The following TANK variants were observed in gnomAD, a reference collection of about 807,000 sequenced individuals.
TANK encodes the protein TRAF family member-associated NF-kappa-B activator.
TANK carries 15 observed loss-of-function variants against 43.6 expected under a neutral mutation model. The observed-to-expected ratio is 0.34, with a 90% CI of 0.23 to 0.53. The LOEUF is 0.53. TANK is among the 20% of genes least tolerant of loss of function. The probability of loss-of-function intolerance (pLI) is 0.94; values close to 1 mark genes in which losing one functional copy is unlikely to be tolerated. For missense variants in TANK, 417 were observed against 498.6 expected (o/e 0.84, Z 1.56); for synonymous variants, 162 against 178.2 (o/e 0.91, Z 0.73).
intron 1 of TANK, among the ~76,000 whole-genome samples, chr2:161,165,349 T>C (rs960172463): frequency 2.0e-5 from 3 of 152,178 alleles, no homozygotes; most frequent in Non-Finnish European, 4.4e-5. Flanking sequence ...ATAAAGGATT[T>C]TTTTTAATTG....
Position 161,208,875 on chromosome 2 carries a change from C to T in TANK, c.327+4082C>T, listed in dbSNP as rs149199457. 1.7e-3 allele frequency among the ~76,000 whole-genome samples: 265 copies of T among 152,248 alleles called. 1 individual carries two copies. The highest frequency in any genetic ancestry group is 3.4e-3 in the Middle Eastern group (1 of 294). Reference sequence around the variant, plus strand: ...AATTTTGTTCATTAGAAGCAAGTCACTAAGTAGTGGGGCAAGAAATTAAGC... The same window carrying T: ...AATTTTGTTCATTAGAAGCAAGTCATTAAGTAGTGGGGCAAGAAATTAAGC... On this transcript the variant is annotated intron_variant, in intron 4 of 7. Coordinates refer to ENST00000392749, the MANE Select transcript of TANK (RefSeq NM_001199135.3).
At chr2:161,194,525 A>G (rs1686057958) in intron 2 of TANK, among the ~76,000 whole-genome samples, 1 of 152,146 alleles carries the variant, frequency 6.6e-6, no homozygotes, top group Admixed American at 6.6e-5. Context: ...GGCTGAAGAG[A>G]AGGCCTAAAA....
intron 6 of TANK, chr2:161,227,036 G>T (rs966666773): frequency 3.8e-5 from 4 of 105,146 alleles, no homozygotes; most frequent in African/African-American, 1.2e-4. Context: ...AAATAGAAAA[G>T]CTATTTGCTC....
chr2:161,207,789 G>GA (rs933599173), intron 4 of TANK: 3 of 985,170 alleles, frequency 3.0e-6, no homozygotes, highest in African/African-American at 3.5e-5. Flanking sequence ...CTTCCACAAT[G>GA]AAAAAAATCC....
intron 1 of TANK, among the ~76,000 whole-genome samples, chr2:161,151,029 T>A (rs1044665469): frequency 6.6e-6 from 1 of 152,268 alleles, no homozygotes; most frequent in Non-Finnish European, 1.5e-5. Context: ...CTGTGATTTA[T>A]CCTTGTGACT....
intron 1 of TANK, among the ~76,000 whole-genome samples, chr2:161,171,219 T>C (rs1364801878): frequency 2.0e-5 from 3 of 152,146 alleles, no homozygotes; most frequent in Non-Finnish European, 4.4e-5. Context: ...TGCCCAGGGA[T>C]TTTTGTAGCC....
intron 4 of TANK, among the ~76,000 whole-genome samples, chr2:161,215,988 G>A (rs1426095269): frequency 6.6e-6 from 1 of 151,904 alleles, no homozygotes; most frequent in Admixed American, 6.6e-5. Flanking sequence ...ATTAACCTGT[G>A]GTTTTTGTCT....
intron 1 of TANK, among the ~76,000 whole-genome samples, chr2:161,167,995 C>T (rs13313742): frequency 0.11 from 17,297 of 152,104 alleles, 1,690 homozygotes; most frequent in African/African-American, 0.26. Context: ...GGAATTCTCA[C>T]TGGTTTACAG....
At chr2:161,204,988 C>G in intron 4 of TANK, 195 bp downstream of exon 4, 2 of 1,345,452 alleles carry the variant, frequency 1.5e-6, no homozygotes, top group Non-Finnish European at 1.9e-6. Context: ...TTCCTACTGA[C>G]CGTTTTTCTA....
Position 161,222,839 on chromosome 2 carries a change from T to G in TANK, c.328-1076T>G, listed in dbSNP as rs1434602432. 7 of 152,006 alleles carry G rather than the reference T, an allele frequency of 4.6e-5. 1 individual carries two copies. Among genetic ancestry groups the G allele is most frequent in the Admixed American group, 4.6e-4 (7 of 15,252 alleles). 9.4% of individuals were successfully genotyped at this position (152,006 alleles called of 1,614,324 possible). ...TTCTGAGATACTATAAAAATAATAC[T>G]CTATATATTTAAAGTATTTATTTAG... On this transcript the variant is annotated intron_variant, in intron 4 of 7. Coordinates refer to ENST00000392749, the MANE Select transcript of TANK (RefSeq NM_001199135.3).
chr2:161,227,555 G>C (rs1687694621), intron 6 of TANK, among the ~76,000 whole-genome samples: 1 of 152,092 alleles, frequency 6.6e-6, no homozygotes, highest in South Asian at 2.1e-4. Flanking sequence ...GCCTGCCTCA[G>C]GATTACTTTG....
At chr2:161,198,685 G>A (rs2105335157) in intron 2 of TANK, among the ~76,000 whole-genome samples, 1 of 152,324 alleles carries the variant, frequency 6.6e-6, no homozygotes, top group South Asian at 2.1e-4. Context: ...TTCATTTACA[G>A]AGGAAGAAAC....
chr2:161,139,824 C>T (rs1158460165), intron 1 of TANK: 21 of 985,282 alleles, frequency 2.1e-5, no homozygotes, highest in South Asian at 9.4e-5. Context: ...GCTATTCCTA[C>T]GCTTTGTGCA....
At chr2:161,172,426 A>G (rs1382573384) in intron 1 of TANK, among the ~76,000 whole-genome samples, 4 of 147,442 alleles carry the variant, frequency 2.7e-5, no homozygotes, top group Non-Finnish European at 4.4e-5. Flanking sequence ...TACTAGTATC[A>G]GGAGACATTA....
chr2:161,158,782 G>C (rs955767913), upstream of TANK, among the ~76,000 whole-genome samples: 3 of 152,130 alleles, frequency 2.0e-5, no homozygotes, highest in Non-Finnish European at 4.4e-5. Context: ...CAGACAAGGA[G>C]AAAATTTTTT....
At chr2:161,207,329 G>A (rs1405194513) in intron 4 of TANK, 2 of 886,774 alleles carry the variant, frequency 2.3e-6, no homozygotes, top group South Asian at 5.2e-5. Context: ...TAACTTCAGC[G>A]AGTTCTCTTA....
intron 4 of TANK, 61 bp from the exon 5 acceptor site, chr2:161,223,854 G>A (rs865816352): frequency 5.4e-6 from 6 of 1,121,222 alleles, no homozygotes; most frequent in Middle Eastern, 2.6e-4. Context: ...CTCTTTACTC[G>A]ACCTCATTTG....
intron 3 of TANK, among the ~76,000 whole-genome samples, chr2:161,203,805 C>CT (rs145070047): frequency 0.01 from 1,590 of 152,214 alleles, 22 homozygotes; most frequent in African/African-American, 0.037. Flanking sequence ...TGGTAGAACT[C>CT]TAAGTTTATA....
chr2:161,186,780 G>A (rs971067626), intron 2 of TANK, among the ~76,000 whole-genome samples: 10 of 152,076 alleles, frequency 6.6e-5, no homozygotes, highest in African/African-American at 2.4e-4. Context: ...AAACTGACAA[G>A]GGATTAATAA....
Sources: gnomAD v4.1 joint callset for allele counts (sites outside exome capture counted in the v4.1 genomes callset) on GRCh38, gnomAD v4.1.1 for gene constraint, MANE v1.5 for transcripts, NCBI Gene and HGNC (gene_info 2026-07-23, HGNC 2026-07-21) for gene names.